Variants in TRPM3 observed in about 807,000 individuals in gnomAD.
TRPM3 encodes the protein long transient receptor potential channel 3.
In TRPM3, 77 loss-of-function variants were observed where a neutral mutation model predicts 181.2. The observed-to-expected ratio is 0.42, with a 90% confidence interval of 0.35 to 0.51. The LOEUF is 0.51. TRPM3 is among the 20% of genes least tolerant of loss of function. The probability of loss-of-function intolerance (pLI) is 0.01; values close to 1 mark genes in which losing one functional copy is unlikely to be tolerated. For missense variants in TRPM3, 1,759 were observed against 2,196.7 expected, an observed-to-expected ratio of 0.80 and a Z score of 3.98; for synonymous variants, 745 against 796.4, an observed-to-expected ratio of 0.94 and a Z score of 1.09.
At chr9:70,949,110 G>C (rs1363592402) in intron 1 of TRPM3, among the ~76,000 whole-genome samples, 1 of 152,106 alleles carries the variant, frequency 6.6e-6, no homozygotes, top group African/African-American at 2.4e-5. Flanking sequence ...CTATAGGAGA[G>C]ACCAAATTCA....
At chr9:70,832,331 T>C (rs1038912559) in intron 5 of TRPM3, among the ~76,000 whole-genome samples, 2 of 152,032 alleles carry the variant, frequency 1.3e-5, no homozygotes, top group Non-Finnish European at 2.9e-5. Flanking sequence ...AAAAGAGAAA[T>C]TTGCTTAGAA....
chr9:71,301,595 G>A (rs1256617562), intron 1 of TRPM3, among the ~76,000 whole-genome samples: 1 of 151,996 alleles, frequency 6.6e-6, no homozygotes, highest in African/African-American at 2.4e-5. Context: ...TTTTCTCTAT[G>A]TATATCTTTT....
At chr9:70,561,742 A>C (rs780797350) in intron 22 of TRPM3, among the ~76,000 whole-genome samples, 32 of 152,166 alleles carry the variant, frequency 2.1e-4, no homozygotes, top group Non-Finnish European at 3.4e-4. Context: ...CCATCCATGA[A>C]CAAAGGGAGT....
intron 21 of TRPM3, among the ~76,000 whole-genome samples, chr9:70,592,323 TG>T (rs2058262291): frequency 6.6e-6 from 1 of 152,212 alleles, no homozygotes; most frequent in South Asian, 2.1e-4. Flanking sequence ...GGCTTTGCTT[TG>T]TTTTGTTTTT....
chr9:71,106,079 C>A (rs2134130445), intron 1 of TRPM3, among the ~76,000 whole-genome samples: 1 of 152,258 alleles, frequency 6.6e-6, no homozygotes, highest in East Asian at 1.9e-4. Flanking sequence ...TACCTGTTAG[C>A]AGCTTTTACA....
intron 1 of TRPM3, among the ~76,000 whole-genome samples, chr9:71,301,492 T>C (rs2132330951): frequency 6.6e-6 from 1 of 152,290 alleles, no homozygotes; most frequent in South Asian, 2.1e-4. Context: ...ACTGAAGCCA[T>C]ATATACAAGA....
chr9:70,697,287 C>T (rs1046842411), intron 8 of TRPM3, among the ~76,000 whole-genome samples: 1 of 152,084 alleles, frequency 6.6e-6, no homozygotes. Context: ...TCATATTATC[C>T]CCATCTACAA....
intron 1 of TRPM3, among the ~76,000 whole-genome samples, chr9:70,963,853 G>A (rs78898440): frequency 0.015 from 2,274 of 152,014 alleles, 66 homozygotes; most frequent in African/African-American, 0.051. Flanking sequence ...TCTCTCTGGG[G>A]TCAGAAAGAA....
rs142826009 is a variant in TRPM3 at position 70,566,829 on chromosome 9, G to A, written c.3224-13519C>T. Among the ~76,000 whole-genome samples, 27 of 152,262 alleles carry A rather than the reference G, an allele frequency of 1.8e-4. No individual in the cohort carries two copies. The East Asian group carries it at 3.7e-3, about 21-fold the overall frequency. ...AGAAATGGAGGGCGAAGGAAAATGC[G>A]TGCCAGGGAGGGCTCAGGTTTCCTC... On this transcript the variant is annotated intron_variant, in intron 22 of 25. Transcript: ENST00000677713.
At chr9:70,655,330 A>AAAAAAAAAAAAAAT in intron 9 of TRPM3, among the ~76,000 whole-genome samples, 1 of 147,710 alleles carries the variant, frequency 6.8e-6, no homozygotes, top group Non-Finnish European at 1.5e-5. Flanking sequence ...AAAAAAAAAA[A>AAAAAAAAAAAAAAT]GAAAAAGAAA....
intron 8 of TRPM3, among the ~76,000 whole-genome samples, chr9:70,739,397 A>G (rs762251489): frequency 4.6e-5 from 7 of 152,220 alleles, no homozygotes; most frequent in Non-Finnish European, 8.8e-5. Context: ...ATCTCAATAG[A>G]TGCAGAAGAA....
intron 9 of TRPM3, among the ~76,000 whole-genome samples, chr9:70,653,273 G>A (rs2059826305): frequency 6.6e-6 from 1 of 152,084 alleles, no homozygotes; most frequent in Non-Finnish European, 1.5e-5. Context: ...GTAGTAACAG[G>A]GGATACCATC....
chr9:70,774,593 A>G (rs1456957565), intron 7 of TRPM3: 1 of 152,154 alleles, frequency 6.6e-6, no homozygotes, highest in Non-Finnish European at 1.5e-5. Flanking sequence ...CATTAGAGAT[A>G]ATAAAATCTC....
chr9:70,577,024 A>G (rs977116149), intron 22 of TRPM3, among the ~76,000 whole-genome samples: 6 of 152,094 alleles, frequency 3.9e-5, no homozygotes, highest in Admixed American at 3.3e-4. Flanking sequence ...TCTCTATAAA[A>G]TTGTGTGCCC....
rs116867919 is a variant in TRPM3, at chr9:71,072,974, T to C, written c.177+48204A>G. ...AAAGAAGGGCTGAAGAAGCTCGAGG[T>C]GGCTGCCTTTGCTCACTAGAAGCAG... On this transcript the variant is annotated intron_variant, in intron 1 of 25. Coordinates refer to ENST00000677713, the MANE Select transcript of TRPM3 (RefSeq NM_001366145.2). Among the ~76,000 whole-genome samples the C allele has an allele frequency of 5.1e-3, 773 of 152,334 alleles. 4 individuals carry two copies. The highest frequency in any genetic ancestry group is 0.011 in the Admixed American group (167 of 15,302).
intron 1 of TRPM3, among the ~76,000 whole-genome samples, chr9:71,222,915 C>G (rs555111499): frequency 6.6e-6 from 1 of 152,244 alleles, no homozygotes; most frequent in Non-Finnish European, 1.5e-5. Flanking sequence ...GCAAGCCTCA[C>G]CACCATGGGA....
At chr9:71,409,337 C>T (rs2093497919) in intron 1 of TRPM3, among the ~76,000 whole-genome samples, 1 of 152,072 alleles carries the variant, frequency 6.6e-6, no homozygotes, top group Admixed American at 6.6e-5. Flanking sequence ...AATCAAGACC[C>T]ATCAGTGTGC....
At chr9:70,591,509 G>T (rs561127211) in intron 21 of TRPM3, among the ~76,000 whole-genome samples, 1 of 152,168 alleles carries the variant, frequency 6.6e-6, no homozygotes, top group Non-Finnish European at 1.5e-5. Flanking sequence ...AGGCATAGGA[G>T]TCATATAAAT....
At chr9:70,977,951 T>C (rs1003425731) in intron 1 of TRPM3, among the ~76,000 whole-genome samples, 3 of 152,190 alleles carry the variant, frequency 2.0e-5, no homozygotes. Context: ...AAAGCATGAT[T>C]GGTTAAATCA....
Sources: allele counts gnomAD v4.1 joint callset (sites outside exome capture counted in the v4.1 genomes callset), GRCh38; gene constraint gnomAD v4.1.1; transcripts MANE v1.5; gene names NCBI Gene and HGNC (gene_info 2026-07-23, HGNC 2026-07-21).